The following SCEL variants were observed in gnomAD, a reference collection of about 807,000 sequenced individuals.
SCEL encodes the protein sciellin.
In SCEL, 113 loss-of-function variants were observed where a neutral mutation model predicts 117.6. That is an observed-to-expected ratio of 0.96 (90% CI 0.83 to 1.12). The LOEUF (loss-of-function observed/expected upper bound fraction) is 1.12. SCEL is among the 50% of genes most tolerant of loss of function. The pLI is 0.00. For missense variants in SCEL, 785 were observed against 810.8 expected, an observed-to-expected ratio of 0.97 and a Z score of 0.39; for synonymous variants, 270 against 256.2, an observed-to-expected ratio of 1.05 and a Z score of -0.51.
At chr13:77,592,020 T>C (rs866147583) in intron 11 of SCEL, among the ~76,000 whole-genome samples, 8 of 152,172 alleles carry the variant, frequency 5.3e-5, no homozygotes, top group African/African-American at 1.7e-4. Flanking sequence ...CTTCTTTTTC[T>C]CCCTTTTCTA....
At chr13:77,639,899 A>G (rs558759438) in intron 30 of SCEL, among the ~76,000 whole-genome samples, 1 of 152,160 alleles carries the variant, frequency 6.6e-6, no homozygotes, top group East Asian at 1.9e-4. Flanking sequence ...CTAAGACCTT[A>G]AAAAAGGAAA....
Position 77,609,122 on chromosome 13 carries a change from G to T in SCEL, c.1277+5G>T. ...AACAGAAAAAAGTACTGAAGGGTAA[G>T]ATTTAATAAGCTCCCTTTTTTGTTT... On this transcript the variant is annotated splice_donor_5th_base_variant and intron_variant, in intron 21 of 32. Transcript: ENST00000349847. 1 of 1,585,744 alleles carries T rather than the reference G, an allele frequency of 6.3e-7. No homozygotes were observed. The highest frequency in any genetic ancestry group is 1.2e-5 in the South Asian group (1 of 85,584).
chr13:77,604,871 G>A (rs1407927849), intron 19 of SCEL, among the ~76,000 whole-genome samples: 7 of 152,188 alleles, frequency 4.6e-5, no homozygotes, highest in South Asian at 4.2e-4. Flanking sequence ...GTATAAATGC[G>A]TGTGTGTATA....
At chr13:77,554,622 A>G (rs2084542439) in intron 1 of SCEL, among the ~76,000 whole-genome samples, 1 of 152,192 alleles carries the variant, frequency 6.6e-6, no homozygotes, top group Non-Finnish European at 1.5e-5. Flanking sequence ...CTTAAGTCCA[A>G]TAGCATTGAT....
intron 1 of SCEL, among the ~76,000 whole-genome samples, chr13:77,543,326 G>A (rs185231209): frequency 0.014 from 2,050 of 151,534 alleles, 22 homozygotes; most frequent in Non-Finnish European, 0.021. Flanking sequence ...CTCGTGATCC[G>A]CCCGCCTCGG....
chr13:77,544,738 T>G (rs1454878086), intron 1 of SCEL, among the ~76,000 whole-genome samples: 2 of 151,934 alleles, frequency 1.3e-5, no homozygotes, highest in Non-Finnish European at 2.9e-5. Flanking sequence ...CATGGGGAGA[T>G]GAGGAGAAGC....
At chr13:77,557,951 A>G (rs928447456) in intron 3 of SCEL, among the ~76,000 whole-genome samples, 2 of 152,220 alleles carry the variant, frequency 1.3e-5, no homozygotes, top group African/African-American at 4.8e-5. Flanking sequence ...GTTATTGAGT[A>G]TTATTTCAAG....
intron 4 of SCEL, among the ~76,000 whole-genome samples, chr13:77,561,673 C>A (rs553604745): frequency 3.9e-5 from 6 of 152,144 alleles, no homozygotes; most frequent in Non-Finnish European, 8.8e-5. Context: ...CTGAAAATAT[C>A]CACAAATGAA....
intron 11 of SCEL, among the ~76,000 whole-genome samples, chr13:77,592,541 C>A (rs2086930761): frequency 6.7e-6 from 1 of 149,224 alleles, no homozygotes; most frequent in Non-Finnish European, 1.5e-5. Context: ...GAGTTCTTTT[C>A]TTTTCTTCTT....
intron 1 of SCEL, among the ~76,000 whole-genome samples, chr13:77,546,339 A>G (rs931969439): frequency 2.0e-5 from 3 of 152,196 alleles, no homozygotes; most frequent in African/African-American, 7.2e-5. Flanking sequence ...CTGGTGTTGC[A>G]GTCACACAGA....
At chr13:77,545,620 C>A (rs2083944933) in intron 1 of SCEL, among the ~76,000 whole-genome samples, 1 of 152,166 alleles carries the variant, frequency 6.6e-6, no homozygotes, top group African/African-American at 2.4e-5. Context: ...GTCGATGAGA[C>A]AGGAATGTTT....
intron 23 of SCEL, 51 bp from the exon 24 acceptor site, chr13:77,613,842 A>G (rs375828498): frequency 4.8e-6 from 7 of 1,473,264 alleles, no homozygotes; most frequent in African/African-American, 2.8e-5. Context: ...TGTCAAAACA[A>G]AAAAGAAATG....
chr13:77,588,066 TTTA>T (rs1195811559), intron 9 of SCEL, among the ~76,000 whole-genome samples: 2 of 152,032 alleles, frequency 1.3e-5, no homozygotes, highest in African/African-American at 2.4e-5. Context: ...CTTATTCTGT[TTTA>T]TTATTATTAT....
chr13:77,634,535 A>G (rs2154406534), intron 29 of SCEL, 85 bp downstream of exon 29: 1 of 934,422 alleles, frequency 1.1e-6, no homozygotes, highest in South Asian at 1.5e-5. Flanking sequence ...ATTGTTTTAG[A>G]GTGTGCTTCT....
chr13:77,588,540 T>G (rs533314031), intron 9 of SCEL, among the ~76,000 whole-genome samples: 1 of 152,272 alleles, frequency 6.6e-6, no homozygotes, highest in Non-Finnish European at 1.5e-5. Context: ...CATCTCCAGT[T>G]CCTACCTCAT....
At chr13:77,586,355 C>A (rs528032476) in intron 9 of SCEL, among the ~76,000 whole-genome samples, 1 of 152,160 alleles carries the variant, frequency 6.6e-6, no homozygotes, top group African/African-American at 2.4e-5. Flanking sequence ...CTCTGGCTCC[C>A]GCTTTCTCTC....
intron 32 of SCEL, among the ~76,000 whole-genome samples, chr13:77,643,975 T>G (rs565105145): frequency 6.6e-6 from 1 of 152,246 alleles, no homozygotes; most frequent in East Asian, 1.9e-4. Flanking sequence ...CTCAGAAGTT[T>G]TTATGTCTTC....
intron 3 of SCEL, among the ~76,000 whole-genome samples, chr13:77,558,819 CA>C (rs58052726): frequency 0.11 from 9,850 of 89,580 alleles, 405 homozygotes; most frequent in East Asian, 0.34. Flanking sequence ...CTCTGTCTTA[CA>C]AAAAAAAAAA....
intron 30 of SCEL, among the ~76,000 whole-genome samples, chr13:77,638,595 A>T (rs547217241): frequency 6.6e-6 from 1 of 152,212 alleles, no homozygotes. Context: ...TCAGCGCAGA[A>T]GTCAGTTCTC....
Sources: gnomAD v4.1 joint callset for allele counts (sites outside exome capture counted in the v4.1 genomes callset) on GRCh38, gnomAD v4.1.1 for gene constraint, MANE v1.5 for transcripts, NCBI Gene and HGNC (gene_info 2026-07-23, HGNC 2026-07-21) for gene names.